Variants in BACH2 observed in about 807,000 individuals in gnomAD.
The protein encoded by BACH2 is BACH transcriptional regulator 2.
BACH2 carries 5 observed loss-of-function variants against 61.8 expected under a neutral mutation model. The observed-to-expected ratio is 0.08, with a 90% confidence interval of 0.04 to 0.17. The LOEUF (loss-of-function observed/expected upper bound fraction) is 0.17, where lower values mean the gene tolerates loss of function less well. Ranked by LOEUF, BACH2 falls within the 10% of genes least tolerant of loss-of-function variation. BACH2 has a pLI of 1.00. For synonymous variants in BACH2, 446 were observed against 440.1 expected (o/e 1.01, Z -0.17); for missense variants, 824 against 1,091.1 (o/e 0.76, Z 3.45).
chr6:90,086,299 T>C (rs970778618), intron 5 of BACH2, among the ~76,000 whole-genome samples: 2 of 152,218 alleles, frequency 1.3e-5, no homozygotes, highest in African/African-American at 2.4e-5. Context: ...AACATGGTTG[T>C]ACACACATCT....
At chr6:89,958,571 A>C (rs1237187067) in intron 6 of BACH2, among the ~76,000 whole-genome samples, 1 of 152,188 alleles carries the variant, frequency 6.6e-6, no homozygotes, top group Admixed American at 6.5e-5. Context: ...ATAAAACACC[A>C]CCTTTTTCTC....
At chr6:89,952,555 T>C (rs943217383) in intron 6 of BACH2, among the ~76,000 whole-genome samples, 2 of 152,012 alleles carry the variant, frequency 1.3e-5, no homozygotes, top group African/African-American at 2.4e-5. Context: ...CCATAATGAA[T>C]GGGGGTTGCA....
At chr6:89,949,113 A>T (rs1485481658) in intron 7 of BACH2, among the ~76,000 whole-genome samples, 1 of 152,210 alleles carries the variant, frequency 6.6e-6, no homozygotes, top group Non-Finnish European at 1.5e-5. Flanking sequence ...AAGCCACCTC[A>T]TCCCGTATGG....
intron 3 of BACH2, among the ~76,000 whole-genome samples, chr6:90,231,866 G>T (rs2127860497): frequency 6.6e-6 from 1 of 152,256 alleles, no homozygotes; most frequent in East Asian, 1.9e-4. Context: ...ATTTAAGAGA[G>T]CCTTGGAGAT....
intron 4 of BACH2, among the ~76,000 whole-genome samples, chr6:90,150,056 T>C (rs573365264): frequency 2.6e-4 from 39 of 152,308 alleles, no homozygotes; most frequent in African/African-American, 8.9e-4. Flanking sequence ...AATGAAAACA[T>C]TAGGTCTCCT....
At chr6:90,293,111 T>C (rs754954075) in intron 1 of BACH2, among the ~76,000 whole-genome samples, 13 of 152,152 alleles carry the variant, frequency 8.5e-5, no homozygotes, top group Non-Finnish European at 1.9e-4. Flanking sequence ...TTATACCAAA[T>C]ATGAGGTCCT....
chr6:89,997,797 C>T (rs1016853837), intron 6 of BACH2, among the ~76,000 whole-genome samples: 4 of 152,168 alleles, frequency 2.6e-5, no homozygotes, highest in Non-Finnish European at 5.9e-5. Context: ...TGACTGGTGC[C>T]ACTCAACCTG....
chr6:90,177,619 A>C (rs1181045034), intron 4 of BACH2, among the ~76,000 whole-genome samples: 2 of 152,148 alleles, frequency 1.3e-5, no homozygotes, highest in Non-Finnish European at 2.9e-5. Flanking sequence ...ATCGGATCGT[A>C]TGAAATCTCC....
intron 1 of BACH2, among the ~76,000 whole-genome samples, chr6:90,294,540 T>G (rs547669171): frequency 6.6e-6 from 1 of 152,346 alleles, no homozygotes; most frequent in South Asian, 2.1e-4. Context: ...ATAATGGAAA[T>G]GCTGACAGAC....
At chr6:90,158,435 G>A (rs1785067880) in intron 4 of BACH2, among the ~76,000 whole-genome samples, 2 of 152,114 alleles carry the variant, frequency 1.3e-5, no homozygotes, top group South Asian at 2.1e-4. Context: ...AGGTGTGGGA[G>A]GCAAGGCACA....
intron 4 of BACH2, among the ~76,000 whole-genome samples, chr6:90,103,027 ATATTT>A (rs1322909111): frequency 1.6e-4 from 4 of 24,472 alleles, no homozygotes; most frequent in Non-Finnish European, 3.0e-4. Context: ...ATATATATAT[ATATTT>A]TTTTTTTTTT....
Position 90,219,192 on chromosome 6 carries a change from T to G in BACH2, c.-274-12511A>C, listed in dbSNP as rs372740013. On this transcript the variant is annotated intron_variant, in intron 3 of 8. Coordinates refer to ENST00000257749, the MANE Select transcript of BACH2 (RefSeq NM_021813.4). ...AGAGCCAGCAAAGAGCTAAAAGTCT[T>G]TCTTGTAAGTGTATGCCCAGCGCCT... Among the ~76,000 whole-genome samples the G allele has an allele frequency of 3.0e-4, 45 of 152,328 alleles. No individual in the cohort carries two copies. The South Asian group carries it at 8.5e-3, about 29-fold the overall frequency.
intron 2 of BACH2, among the ~76,000 whole-genome samples, chr6:90,254,579 G>A (rs969040922): frequency 8.6e-5 from 13 of 151,714 alleles, no homozygotes; most frequent in African/African-American, 3.1e-4. Flanking sequence ...AAAATAAAAA[G>A]GACCTAGAGC....
At chr6:90,109,331 G>A (rs968313565) in intron 4 of BACH2, among the ~76,000 whole-genome samples, 2 of 151,990 alleles carry the variant, frequency 1.3e-5, no homozygotes, top group African/African-American at 2.4e-5. Flanking sequence ...GTGGCTTCAG[G>A]GGCACCACAC....
chr6:90,164,363 G>T (rs1767530200), intron 4 of BACH2, among the ~76,000 whole-genome samples: 1 of 152,078 alleles, frequency 6.6e-6, no homozygotes, highest in Admixed American at 6.6e-5. Flanking sequence ...ACTAAACCAG[G>T]AACAAGTTGA....
At chr6:90,077,933 G>A (rs1267027917) in intron 5 of BACH2, among the ~76,000 whole-genome samples, 1 of 152,124 alleles carries the variant, frequency 6.6e-6, no homozygotes, top group African/African-American at 2.4e-5. Context: ...TTATGACTTT[G>A]TACTGTGAAA....
intron 8 of BACH2, among the ~76,000 whole-genome samples, chr6:89,933,279 T>C (rs292257): frequency 0.39 from 59,489 of 151,918 alleles, 12,127 homozygotes; most frequent in East Asian, 0.54. Context: ...ATGTATCAGG[T>C]TGCCATTTTT....
At chr6:90,286,688 G>A (rs1404844651) in intron 1 of BACH2, among the ~76,000 whole-genome samples, 1 of 151,816 alleles carries the variant, frequency 6.6e-6, no homozygotes, top group Non-Finnish European at 1.5e-5. Context: ...TCAACTTTAG[G>A]GTCATTCTGG....
chr6:90,295,551 G>T (rs1772319515), intron 1 of BACH2, among the ~76,000 whole-genome samples: 1 of 152,180 alleles, frequency 6.6e-6, no homozygotes, highest in Admixed American at 6.5e-5. Context: ...GCGAAGCACA[G>T]CGGGGCCACG....
Sources: gnomAD v4.1 joint callset for allele counts (sites outside exome capture counted in the v4.1 genomes callset) on GRCh38, gnomAD v4.1.1 for gene constraint, MANE v1.5 for transcripts, NCBI Gene and HGNC (gene_info 2026-07-23, HGNC 2026-07-21) for gene names.